Variants in DCC observed in about 807,000 individuals in gnomAD.
DCC encodes the protein DCC netrin 1 receptor.
A neutral mutation model predicts 172.5 loss-of-function variants in DCC; 58 were observed. That is an observed-to-expected ratio of 0.34 (90% confidence interval 0.27 to 0.42). DCC has a LOEUF of 0.42. Ranked by LOEUF, DCC falls within the 10% of genes least tolerant of loss-of-function variation. The pLI is 1.00. For synonymous variants in DCC, 709 were observed against 644.5 expected (o/e 1.10, Z -1.52); for missense variants, 1,740 against 1,791.0 (o/e 0.97, Z 0.51).
At chr18:52,641,245 C>A (rs1469667992) in intron 1 of DCC, among the ~76,000 whole-genome samples, 1 of 152,104 alleles carries the variant, frequency 6.6e-6, no homozygotes, top group Non-Finnish European at 1.5e-5. Context: ...AAACCTAAGA[C>A]CTGAAACTAA....
intron 5 of DCC, among the ~76,000 whole-genome samples, chr18:52,982,522 A>G (rs2041228315): frequency 6.6e-6 from 1 of 152,106 alleles, no homozygotes; most frequent in Non-Finnish European, 1.5e-5. Flanking sequence ...AGACTCAGCA[A>G]TAGTAACATT....
At chr18:53,038,935 CTT>C (rs1345797575) in intron 5 of DCC, among the ~76,000 whole-genome samples, 1 of 151,772 alleles carries the variant, frequency 6.6e-6, no homozygotes, top group Non-Finnish European at 1.5e-5. Flanking sequence ...GGGAAGGACA[CTT>C]GACATTAGAA....
At chr18:53,311,994 T>G (rs1236566426) in intron 13 of DCC, among the ~76,000 whole-genome samples, 1 of 151,912 alleles carries the variant, frequency 6.6e-6, no homozygotes, top group Non-Finnish European at 1.5e-5. Context: ...AAGATGTCTA[T>G]TGGACAATAA....
chr18:53,235,486 C>T (rs920216646), intron 12 of DCC, among the ~76,000 whole-genome samples: 1 of 152,094 alleles, frequency 6.6e-6, no homozygotes, highest in Non-Finnish European at 1.5e-5. Flanking sequence ...AGTAAGCATT[C>T]TTTTTTGTTT....
Position 53,322,099 on chromosome 18 carries a change from T to C in DCC, c.2106T>C (p.Asn702=). 2 of 1,610,512 alleles carry C rather than the reference T, an allele frequency of 1.2e-6. No individual in the cohort carries two copies. The highest frequency in any genetic ancestry group is 1.7e-6 in the Non-Finnish European group (2 of 1,176,678). Residue 702 remains asparagine (N), a synonymous_variant, in exon 14 of 29, where the codon AAT becomes AAC. Transcript: ENST00000442544. ...TCCAGGTGTCAGCCATGACAGTCAA[T>C]GGTACTGGACCACCTTCCAACTGGT... ...YSFQVSAMTV[N]GTGPPSNWYT... is the part of the protein sequence containing the mutation.
Position 52,752,309 on chromosome 18 carries a change from A to G in DCC, c.347A>G (p.Gln116Arg), listed in dbSNP as rs2037008135. The part of the protein sequence containing the change: ...RHHKPDEGLY[Q>R]CEASLGDSGS... ...CACAAGCCAGATGAGGGACTTTACC[A>G]ATGTGAGGCATCTTTAGGAGATTCT... Residue 116 changes from glutamine to arginine, a missense_variant, in exon 2 of 29, where the codon CAA (glutamine) becomes CGA (arginine). This residue lies in a region of DCC where 1,732 missense variants were observed against 1,767.4 expected (regional missense o/e 0.98). Coordinates refer to ENST00000442544, the MANE Select transcript of DCC (RefSeq NM_005215.4). 1 of 1,614,066 alleles carries G rather than the reference A, an allele frequency of 6.2e-7. No individual in the cohort carries two copies.
intron 10 of DCC, among the ~76,000 whole-genome samples, chr18:53,206,181 T>C (rs1464621408): frequency 1.2e-3 from 1 of 850 alleles, no homozygotes; most frequent in Non-Finnish European, 3.0e-3. Context: ...ACATATATAA[T>C]ACATATACGT....
At chr18:53,213,642 C>T (rs143416118) in intron 11 of DCC, among the ~76,000 whole-genome samples, 3,567 of 99,476 alleles carry the variant, frequency 0.036, 202 homozygotes, top group African/African-American at 0.14. Flanking sequence ...AGCGAGACTC[C>T]GTCTCAAAAA....
intron 1 of DCC, among the ~76,000 whole-genome samples, chr18:52,498,107 T>C (rs2030872924): frequency 3.3e-5 from 5 of 152,022 alleles, no homozygotes; most frequent in Admixed American, 3.3e-4. Flanking sequence ...AATTTTTACC[T>C]GTCACAAAAT....
chr18:52,879,412 C>CTTTTTTTTTTTTTTTTTTTTTTTTTTTT lies in DCC; in HGVS notation c.413-26630_413-26603dup, dbSNP rs71175533. ...AATTTCTAGCCCATATGTTGTTTGG[C>CTTTTTTTTTTTTTTTTTTTTTTTTTTTT]TTTTTTTTTTTTTTTTTTTTTTTTT... On this transcript the variant is annotated intron_variant, in intron 2 of 28. Coordinates refer to ENST00000442544, the MANE Select transcript of DCC (RefSeq NM_005215.4). 1.1e-3 allele frequency among the ~76,000 whole-genome samples: 71 copies of CTTTTTTTTTTTTTTTTTTTTTTTTTTTT among 62,324 alleles called. 16 individuals carry two copies. The highest frequency in any genetic ancestry group is 0.011 in the Middle Eastern group (1 of 90). The allele number at this position is 62,324 out of a possible 152,430, so 40.9% of individuals were successfully genotyped here.
At chr18:52,494,086 C>G (rs1403803424) in intron 1 of DCC, among the ~76,000 whole-genome samples, 1 of 151,940 alleles carries the variant, frequency 6.6e-6, no homozygotes, top group Non-Finnish European at 1.5e-5. Flanking sequence ...CTTTTGATGG[C>G]TATTTTTGCT....
At chr18:52,883,060 A>G (rs1486574527) in intron 2 of DCC, among the ~76,000 whole-genome samples, 1 of 152,108 alleles carries the variant, frequency 6.6e-6, no homozygotes, top group Non-Finnish European at 1.5e-5. Context: ...GTCTAATACA[A>G]GTATAGCTAC....
At chr18:53,034,595 C>T (rs1447124583) in intron 5 of DCC, among the ~76,000 whole-genome samples, 1 of 152,034 alleles carries the variant, frequency 6.6e-6, no homozygotes, top group African/African-American at 2.4e-5. Context: ...AGCCTCTCAG[C>T]TGATCTCCTT....
chr18:52,846,594 C>G (rs1475823508), intron 2 of DCC, among the ~76,000 whole-genome samples: 2 of 137,110 alleles, frequency 1.5e-5, no homozygotes, highest in East Asian at 4.2e-4. Flanking sequence ...CTATCTCCCC[C>G]TTCTGCCACT....
intron 2 of DCC, among the ~76,000 whole-genome samples, chr18:52,763,118 A>T (rs1169250002): frequency 1.3e-5 from 2 of 151,940 alleles, no homozygotes; most frequent in East Asian, 3.9e-4. Context: ...TACACATTTT[A>T]AAAATCTGCT....
chr18:53,529,006 T>TCTCTCTCTCC (rs1285259351), intron 28 of DCC, among the ~76,000 whole-genome samples: 22 of 91,224 alleles, frequency 2.4e-4, no homozygotes, highest in African/African-American at 8.5e-4. Context: ...CTTCAACTTC[T>TCTCTCTCTCC]CTCTCTCTCT....
intron 1 of DCC, among the ~76,000 whole-genome samples, chr18:52,697,289 A>C (rs1484987151): frequency 6.6e-6 from 1 of 152,194 alleles, no homozygotes; most frequent in Non-Finnish European, 1.5e-5. Context: ...CACACATGCA[A>C]TGTGGAAGTT....
chr18:53,014,805 C>G (rs2041784941), intron 5 of DCC, among the ~76,000 whole-genome samples: 1 of 152,064 alleles, frequency 6.6e-6, no homozygotes, highest in African/African-American at 2.4e-5. Context: ...ACATCTGAAG[C>G]TGGCAGGAGG....
intron 5 of DCC, among the ~76,000 whole-genome samples, chr18:52,935,536 T>C (rs1404583036): frequency 6.6e-6 from 1 of 152,148 alleles, no homozygotes; most frequent in African/African-American, 2.4e-5. Flanking sequence ...TACTTCAAAA[T>C]TGATATGGCT....
Sources: gnomAD v4.1 joint callset for allele counts (sites outside exome capture counted in the v4.1 genomes callset) on GRCh38, gnomAD v4.1.1 for gene constraint, gnomAD v4.1.1 regional missense constraint, MANE v1.5 for transcripts, NCBI Gene and HGNC (gene_info 2026-07-23, HGNC 2026-07-21) for gene names.